The following MTMR3 variants were observed in gnomAD, a reference collection of about 807,000 sequenced individuals.
The protein encoded by MTMR3 is myotubularin related protein 3, also known as phosphatidylinositol-3,5-bisphosphate 3-phosphatase MTMR3.
Under a neutral mutation model 132.4 loss-of-function variants are expected in MTMR3, and 32 were observed. The observed-to-expected ratio is 0.24, with a 90% confidence interval of 0.18 to 0.32. The LOEUF is 0.32. MTMR3 is among the 10% of genes least tolerant of loss of function. MTMR3 has a pLI of 1.00. For synonymous variants in MTMR3, 556 were observed against 550.3 expected, an observed-to-expected ratio of 1.01 and a Z score of -0.14; for missense variants, 1,216 against 1,489.6, an observed-to-expected ratio of 0.82 and a Z score of 3.02.
intron 7 of MTMR3, chr22:29,993,520 C>G (rs1385596529): frequency 6.6e-6 from 1 of 152,176 alleles, no homozygotes; most frequent in Non-Finnish European, 1.5e-5. Context: ...TTTAAGACCC[C>G]TGACTCCAAG....
chr22:29,907,082 A>G (rs1402721321), intron 1 of MTMR3, among the ~76,000 whole-genome samples: 1 of 151,706 alleles, frequency 6.6e-6, no homozygotes, highest in Non-Finnish European at 1.5e-5. Context: ...GTCTCAAACA[A>G]ACAAAATCCA....
intron 2 of MTMR3, among the ~76,000 whole-genome samples, chr22:29,969,520 C>CTT (rs146551289): frequency 2.6e-5 from 4 of 151,544 alleles, no homozygotes; most frequent in African/African-American, 9.7e-5. Flanking sequence ...CAAAATGATT[C>CTT]TTTTTTTTGT....
intron 1 of MTMR3, among the ~76,000 whole-genome samples, chr22:29,904,515 G>C (rs548233606): frequency 3.2e-4 from 49 of 152,306 alleles, no homozygotes; most frequent in Middle Eastern, 6.8e-3. Flanking sequence ...ACTTCTCTGA[G>C]TCTCAGGTTT....
intron 1 of MTMR3, among the ~76,000 whole-genome samples, chr22:29,909,961 CT>C (rs2065176711): frequency 1.3e-5 from 2 of 151,720 alleles, no homozygotes; most frequent in Admixed American, 1.3e-4. Context: ...CGAGACCATC[CT>C]GGCTAACACG....
At chr22:29,967,347 T>G (rs983927753) in intron 2 of MTMR3, among the ~76,000 whole-genome samples, 1 of 151,654 alleles carries the variant, frequency 6.6e-6, no homozygotes, top group African/African-American at 2.4e-5. Flanking sequence ...AAGGGATCCT[T>G]CCACATCAGC....
chr22:29,919,942 TTTA>T (rs2065377807), intron 1 of MTMR3, among the ~76,000 whole-genome samples: 1 of 152,174 alleles, frequency 6.6e-6, no homozygotes, highest in Non-Finnish European at 1.5e-5. Flanking sequence ...CTTACATGCT[TTTA>T]TTATTAAGAT....
chr22:29,947,498 A>G (rs541551976), intron 1 of MTMR3, among the ~76,000 whole-genome samples: 2 of 126,098 alleles, frequency 1.6e-5, no homozygotes, highest in South Asian at 5.1e-4. Flanking sequence ...CCAGTATGCT[A>G]AATTAAAAAA....
intron 14 of MTMR3, 177 bp downstream of exon 14, chr22:30,013,718 C>G: frequency 1.7e-6 from 1 of 574,252 alleles, no homozygotes; most frequent in East Asian, 3.5e-5. Context: ...AAGAGAAAAT[C>G]CAGGTATACC....
intron 14 of MTMR3, 70 bp from the exon 15 acceptor site, chr22:30,016,458 C>A: frequency 1.3e-6 from 2 of 1,534,562 alleles, no homozygotes; most frequent in South Asian, 1.2e-5. Flanking sequence ...GATAAGGTGG[C>A]TCAGCTGAGC....
At chr22:29,937,072 A>G (rs1178937588) in intron 1 of MTMR3, among the ~76,000 whole-genome samples, 1 of 152,062 alleles carries the variant, frequency 6.6e-6, no homozygotes, top group Non-Finnish European at 1.5e-5. Flanking sequence ...GATACTTCTT[A>G]ATATTGGATT....
intron 2 of MTMR3, 41 bp from the exon 3 acceptor site, chr22:29,970,935 C>CTTTTTTTT (rs34749290): frequency 7.4e-5 from 33 of 444,082 alleles, no homozygotes; most frequent in East Asian, 2.3e-4. Flanking sequence ...CTCCCCTCCT[C>CTTTTTTTT]TTTTTTTTTT....
chr22:29,906,472 G>A (rs1224749487), intron 1 of MTMR3, among the ~76,000 whole-genome samples: 4 of 148,680 alleles, frequency 2.7e-5, no homozygotes, highest in African/African-American at 1.0e-4. Context: ...GGGATTACAG[G>A]CGTGTGCCAC....
chr22:29,973,143 A>G (rs914297774), intron 3 of MTMR3, among the ~76,000 whole-genome samples: 5 of 152,184 alleles, frequency 3.3e-5, no homozygotes, highest in Admixed American at 6.5e-5. Context: ...AGCATTGAAC[A>G]TTCTTTTTGT....
In MTMR3 at chr22:30,020,672, A is replaced by G. The variant is rs1227469494; in HGVS notation, c.3013A>G (p.Ser1005Gly). ...CCACTCAGGAAGGCCATCTGCAACC[A>G]GCAGCCCCGACCAGCCTTCCCGCAG... is the stretch of plus-strand genomic sequence containing the variant. ...HSHSGRPSAT[S>G]SPDQPSRSHL... is the part of the protein sequence containing the mutation. Residue 1005 changes from serine to glycine, a missense_variant, in exon 17 of 20, where the codon AGC (serine) becomes GGC (glycine). Physicochemically the swap from Ser to Gly is moderately conservative, Grantham distance 56. Coordinates refer to ENST00000401950, the MANE Select transcript of MTMR3 (RefSeq NM_021090.4). 1 of 1,614,096 alleles carries G rather than the reference A, an allele frequency of 6.2e-7. No individual in the cohort carries two copies. Among genetic ancestry groups the G allele is most frequent in the African/African-American group, 1.3e-5 (1 of 74,924 alleles).
At chr22:29,899,364 T>G (rs1475478740) in intron 1 of MTMR3, among the ~76,000 whole-genome samples, 3 of 152,214 alleles carry the variant, frequency 2.0e-5, no homozygotes, top group Non-Finnish European at 4.4e-5. Flanking sequence ...GAAATATGAT[T>G]TTAATTCCAT....
At chr22:29,970,938 T>TG in intron 2 of MTMR3, 38 bp from the exon 3 acceptor site, 2 of 798,776 alleles carry the variant, frequency 2.5e-6, no homozygotes, top group Non-Finnish European at 3.8e-6. Context: ...CCCTCCTCTT[T>TG]TTTTTTTCTT....
At chr22:29,888,919 T>A (rs1292880204) in intron 1 of MTMR3, among the ~76,000 whole-genome samples, 1 of 151,986 alleles carries the variant, frequency 6.6e-6, no homozygotes, top group Admixed American at 6.6e-5. Flanking sequence ...AATACTTTTA[T>A]AACTTAGTTG....
intron 1 of MTMR3, among the ~76,000 whole-genome samples, chr22:29,900,761 G>A (rs1361934064): frequency 6.6e-6 from 1 of 152,084 alleles, no homozygotes; most frequent in East Asian, 1.9e-4. Context: ...GTCACCCAGG[G>A]TGGAGTGAGT....
chr22:29,968,542 A>G (rs993768310), intron 2 of MTMR3, among the ~76,000 whole-genome samples: 2 of 152,088 alleles, frequency 1.3e-5, no homozygotes, highest in African/African-American at 2.4e-5. Flanking sequence ...TTTAATTCCA[A>G]TAAGTGCCTT....
Sources: gnomAD v4.1 joint callset for allele counts (sites outside exome capture counted in the v4.1 genomes callset) on GRCh38, gnomAD v4.1.1 for gene constraint, MANE v1.5 for transcripts, NCBI Gene and HGNC (gene_info 2026-07-23, HGNC 2026-07-21) for gene names.